The following DENND1B variants were observed in gnomAD, a reference collection of about 807,000 sequenced individuals.
The protein encoded by DENND1B is DENN domain-containing protein 1B.
DENND1B carries 59 observed loss-of-function variants against 90.1 expected under a neutral mutation model. That is an observed-to-expected ratio of 0.65 (90% confidence interval 0.53 to 0.81). DENND1B has a LOEUF of 0.81. Ranked by LOEUF, DENND1B falls within the 40% of genes least tolerant of loss-of-function variation. DENND1B has a pLI of 0.00. For synonymous variants in DENND1B, 337 were observed against 324.6 expected (o/e 1.04, Z -0.41); for missense variants, 862 against 912.6 (o/e 0.94, Z 0.71).
At chr1:197,735,471 T>A (rs1662555988) in intron 2 of DENND1B, 1 of 1,537,198 alleles carries the variant, frequency 6.5e-7, no homozygotes, top group Non-Finnish European at 8.8e-7. Flanking sequence ...ATTTCCTTTG[T>A]TAGAAGAAGT....
intron 14 of DENND1B, among the ~76,000 whole-genome samples, chr1:197,586,334 A>T (rs1345251574): frequency 6.6e-6 from 1 of 152,202 alleles, no homozygotes; most frequent in African/African-American, 2.4e-5. Flanking sequence ...TTTTCACAAA[A>T]ATGTTTTATA....
Position 197,642,696 on chromosome 1 carries a change from G to A in DENND1B, c.672+15C>T, listed in dbSNP as rs1256894061. On this transcript the variant is annotated intron_variant, in intron 10 of 22. Coordinates refer to ENST00000620048, the MANE Select transcript of DENND1B (RefSeq NM_001195215.2). ...ACTCAATACCTGCTACTTAAAAGAA[G>A]TGTGAAGTACTTACAGTGCTTAATT... 7 of 1,580,922 alleles carry A rather than the reference G, an allele frequency of 4.4e-6. No individual in the cohort carries two copies. The highest frequency in any genetic ancestry group is 2.7e-5 in the African/African-American group (2 of 73,894).
intron 14 of DENND1B, among the ~76,000 whole-genome samples, chr1:197,590,066 A>G (rs771935227): frequency 6.6e-6 from 1 of 152,198 alleles, no homozygotes; most frequent in Non-Finnish European, 1.5e-5. Flanking sequence ...ATTTAATACA[A>G]TCATTTAAAA....
At chr1:197,659,400 C>T (rs747551673) in intron 5 of DENND1B, among the ~76,000 whole-genome samples, 4 of 151,786 alleles carry the variant, frequency 2.6e-5, no homozygotes, top group Non-Finnish European at 5.9e-5. Flanking sequence ...AGGTAAACTA[C>T]AGTATCTTTA....
chr1:197,720,650 C>A (rs1007178489), intron 2 of DENND1B, among the ~76,000 whole-genome samples: 1 of 152,024 alleles, frequency 6.6e-6, no homozygotes, highest in African/African-American at 2.4e-5. Context: ...TTCAGAAGAT[C>A]GACACTTTTG....
chr1:197,735,772 C>G, intron 2 of DENND1B: 2 of 1,611,596 alleles, frequency 1.2e-6, no homozygotes, highest in Non-Finnish European at 1.7e-6. Flanking sequence ...AGGGGGAATC[C>G]TCGGCAGATA....
chr1:197,528,716 CG>C, intron 20 of DENND1B, among the ~76,000 whole-genome samples: 1 of 151,788 alleles, frequency 6.6e-6, no homozygotes, highest in African/African-American at 2.4e-5. Flanking sequence ...AAAAATTAGC[CG>C]GGCGTAGTGG....
intron 2 of DENND1B, among the ~76,000 whole-genome samples, chr1:197,723,380 T>A (rs1661356144): frequency 6.6e-6 from 1 of 152,124 alleles, no homozygotes; most frequent in African/African-American, 2.4e-5. Context: ...TGGGTGATCA[T>A]GGTAATCGAA....
chr1:197,592,127 A>AAAAAAC (rs1675287557), intron 14 of DENND1B, among the ~76,000 whole-genome samples: 1 of 150,832 alleles, frequency 6.6e-6, no homozygotes, highest in East Asian at 1.9e-4. Context: ...AAAAAAAAAA[A>AAAAAAC]AGCATCATAT....
chr1:197,736,068 G>A (rs1385210399), intron 2 of DENND1B: 1 of 835,572 alleles, frequency 1.2e-6, no homozygotes, highest in South Asian at 1.5e-5. Flanking sequence ...TGATTGTGAA[G>A]CCCGTGAAAG....
At chr1:197,580,842 G>A (rs558125882) in intron 15 of DENND1B, among the ~76,000 whole-genome samples, 133 of 152,226 alleles carry the variant, frequency 8.7e-4, no homozygotes, top group African/African-American at 3.0e-3. Context: ...CTTGTAAAGT[G>A]AGCACTAGGC....
At chr1:197,584,186 A>T (rs1055356521) in intron 14 of DENND1B, among the ~76,000 whole-genome samples, 6 of 152,220 alleles carry the variant, frequency 3.9e-5, no homozygotes, top group Non-Finnish European at 8.8e-5. Flanking sequence ...ATTATAATTT[A>T]ATCTTAAGGA....
intron 2 of DENND1B, among the ~76,000 whole-genome samples, chr1:197,745,622 A>T (rs562503547): frequency 0.038 from 5,404 of 140,408 alleles, 162 homozygotes; most frequent in Non-Finnish European, 0.052. Flanking sequence ...TATATTATAT[A>T]TATATATATA....
chr1:197,592,765 G>A (rs887815436), intron 14 of DENND1B, among the ~76,000 whole-genome samples: 4 of 152,158 alleles, frequency 2.6e-5, no homozygotes, highest in Non-Finnish European at 5.9e-5. Flanking sequence ...GATGGCACCT[G>A]AGACTGATCT....
At chr1:197,678,817 T>C (rs1656353731) in intron 3 of DENND1B, among the ~76,000 whole-genome samples, 2 of 152,212 alleles carry the variant, frequency 1.3e-5, no homozygotes, top group Non-Finnish European at 2.9e-5. Context: ...TTAAGTTTTC[T>C]GAGGATGATG....
chr1:197,580,950 T>C (rs1674182573), intron 15 of DENND1B, among the ~76,000 whole-genome samples: 1 of 152,150 alleles, frequency 6.6e-6, no homozygotes, highest in Non-Finnish European at 1.5e-5. Context: ...TGCCATATTA[T>C]CAGAAATAAA....
At chr1:197,628,535 T>C (rs1679009398) in intron 10 of DENND1B, among the ~76,000 whole-genome samples, 1 of 152,084 alleles carries the variant, frequency 6.6e-6, no homozygotes, top group Non-Finnish European at 1.5e-5. Flanking sequence ...TCAAGATGGA[T>C]TAAAGACTTA....
At chr1:197,645,791 T>C (rs1430130475) in intron 8 of DENND1B, 48 bp from the exon 9 acceptor site, 2 of 1,260,312 alleles carry the variant, frequency 1.6e-6, no homozygotes, top group South Asian at 3.1e-5. Flanking sequence ...TTAAAACTGG[T>C]AACATATAAT....
At chr1:197,690,535 G>T in intron 3 of DENND1B, 1 of 205,998 alleles carries the variant, frequency 4.9e-6, no homozygotes, top group South Asian at 9.1e-5. Flanking sequence ...CATAATATGA[G>T]ACAGACAGTT....
Sources: gnomAD v4.1 joint callset for allele counts (sites outside exome capture counted in the v4.1 genomes callset) on GRCh38, gnomAD v4.1.1 for gene constraint, MANE v1.5 for transcripts, NCBI Gene and HGNC (gene_info 2026-07-23, HGNC 2026-07-21) for gene names.